Variants in NEK11 observed in about 807,000 individuals in gnomAD.
NEK11 encodes the protein NIMA related kinase 11.
NEK11 carries 72 observed loss-of-function variants against 80.7 expected under a neutral mutation model. The ratio of observed to expected loss-of-function variants is 0.89; its 90% CI spans 0.74 to 1.08. The LOEUF is 1.08. Ranked by LOEUF, NEK11 falls within the 50% of genes least tolerant of loss-of-function variation. The pLI is 0.00. For synonymous variants in NEK11, 251 were observed against 260.7 expected (o/e 0.96, Z 0.36); for missense variants, 764 against 763.6 (o/e 1.00, Z -0.01).
intron 5 of NEK11, among the ~76,000 whole-genome samples, chr3:131,121,445 A>G (rs900233693): frequency 1.2e-4 from 18 of 152,156 alleles, no homozygotes; most frequent in African/African-American, 4.3e-4. Flanking sequence ...GGGCCCAGTT[A>G]AGGAGGCAGT....
intron 17 of NEK11, among the ~76,000 whole-genome samples, chr3:131,297,254 T>C (rs1362188594): frequency 6.6e-5 from 10 of 152,154 alleles, no homozygotes; most frequent in Admixed American, 3.3e-4. Context: ...TCCACAATGG[T>C]TGAACTAGTT....
chr3:131,255,855 T>A (rs1409268708), intron 16 of NEK11, among the ~76,000 whole-genome samples: 1 of 152,178 alleles, frequency 6.6e-6, no homozygotes, highest in African/African-American at 2.4e-5. Context: ...TGCCAACTGA[T>A]TAGACCATGT....
In NEK11 at chr3:131,183,671, T is replaced by C. The variant is rs1364710831; in HGVS notation, c.1399+12784T>C. Among the ~76,000 whole-genome samples the C allele has an allele frequency of 2.6e-5, 4 of 152,230 alleles. 1 individual carries two copies. The highest frequency in any genetic ancestry group is 3.2e-3 in the Middle Eastern group (1 of 316). On this transcript the variant is annotated intron_variant, in intron 14 of 17. Coordinates refer to ENST00000383366, the MANE Select transcript of NEK11 (RefSeq NM_024800.5). Reference sequence around the variant, plus strand: ...TGGTGTATATGTATCACATTTTCTTTATCCAGTCTATCACTGATGGACATT... The same window carrying C: ...TGGTGTATATGTATCACATTTTCTTCATCCAGTCTATCACTGATGGACATT...
At chr3:131,245,836 G>GT (rs754926507) in intron 16 of NEK11, among the ~76,000 whole-genome samples, 29 of 151,702 alleles carry the variant, frequency 1.9e-4, no homozygotes, top group Middle Eastern at 3.4e-3. Context: ...TTGTTTGTTT[G>GT]TTTTTGGTGA....
At chr3:131,247,446 T>C (rs982744483) in intron 16 of NEK11, among the ~76,000 whole-genome samples, 1 of 152,196 alleles carries the variant, frequency 6.6e-6, no homozygotes, top group Non-Finnish European at 1.5e-5. Flanking sequence ...TGGCTTTATT[T>C]CTGGATTCTC....
intron 5 of NEK11, among the ~76,000 whole-genome samples, chr3:131,113,953 A>G (rs895877385): frequency 8.7e-5 from 13 of 148,742 alleles, no homozygotes; most frequent in Middle Eastern, 3.6e-3. Flanking sequence ...AAATATAACT[A>G]TTGTTTTCTA....
At chr3:131,163,643 G>A (rs963699977) in intron 11 of NEK11, among the ~76,000 whole-genome samples, 2 of 152,158 alleles carry the variant, frequency 1.3e-5, no homozygotes, top group African/African-American at 4.8e-5. Flanking sequence ...GGAGAAATAA[G>A]TTCTGGAGAT....
chr3:131,165,579 G>A (rs1054750443), intron 12 of NEK11, 60 bp downstream of exon 12: 33 of 1,007,542 alleles, frequency 3.3e-5, no homozygotes, highest in Non-Finnish European at 4.6e-5. Context: ...GATTCATGGC[G>A]ATGATTGGGT....
chr3:131,266,345 C>T (rs150693307), intron 16 of NEK11, among the ~76,000 whole-genome samples: 2,787 of 152,204 alleles, frequency 0.018, 41 homozygotes, highest in East Asian at 0.084. Context: ...GTGGGCATTT[C>T]ATGCTATAAA....
At chr3:131,319,852 A>AT (rs575967883) in intron 17 of NEK11, among the ~76,000 whole-genome samples, 12 of 151,548 alleles carry the variant, frequency 7.9e-5, no homozygotes, top group Admixed American at 2.0e-4. Flanking sequence ...CTCTGAAAAC[A>AT]TTTTTTTTTA....
chr3:131,084,019 CCT>C (rs150867798), intron 4 of NEK11, among the ~76,000 whole-genome samples: 2 of 152,186 alleles, frequency 1.3e-5, no homozygotes, highest in African/African-American at 4.8e-5. Flanking sequence ...CAAATCTTAC[CCT>C]GACTCCCAGG....
intron 14 of NEK11, among the ~76,000 whole-genome samples, chr3:131,186,925 C>G (rs2093623607): frequency 6.6e-6 from 1 of 152,164 alleles, no homozygotes; most frequent in African/African-American, 2.4e-5. Context: ...ACCTCAAAGG[C>G]TGTATGTATA....
chr3:131,170,966 G>T (rs200808503), intron 14 of NEK11, 79 bp downstream of exon 14: 2 of 968,208 alleles, frequency 2.1e-6, no homozygotes, highest in Non-Finnish European at 3.4e-6. Flanking sequence ...CAGTGGGTCT[G>T]TCTGGCCTCT....
intron 16 of NEK11, among the ~76,000 whole-genome samples, chr3:131,261,853 C>T (rs1317364072): frequency 6.6e-6 from 1 of 151,988 alleles, no homozygotes; most frequent in East Asian, 1.9e-4. Flanking sequence ...TAACTCCCAC[C>T]TATTGAGCAT....
chr3:131,200,818 C>G (rs1012384805), intron 14 of NEK11, among the ~76,000 whole-genome samples: 1 of 152,184 alleles, frequency 6.6e-6, no homozygotes, highest in African/African-American at 2.4e-5. Flanking sequence ...CCGATTAAAG[C>G]CTTCTTCCTT....
rs201064350 is a variant in NEK11 at position 131,243,485 on chromosome 3, G to A, written c.1610G>A (p.Cys537Tyr). The change falls in exon 16 of 18, where the codon TGC (cysteine) becomes TAC (tyrosine). Residue 537 changes from cysteine to tyrosine, a missense_variant. Physicochemically the swap from Cys to Tyr is radical, Grantham distance 194. Transcript: ENST00000383366. ...LARCLENVLG[C>Y]TSLDTKTITT... Reference sequence around the variant, plus strand: ...AGGTGTTTGGAAAATGTCCTGGGTTGCACTTCTCTAGGTGAGTAAGTTCCT... The same window carrying A: ...AGGTGTTTGGAAAATGTCCTGGGTTACACTTCTCTAGGTGAGTAAGTTCCT... The A allele has an allele frequency of 1.7e-5, 28 of 1,612,536 alleles. No homozygotes were observed. Among genetic ancestry groups the A allele is most frequent in the African/African-American group, 2.7e-5 (2 of 74,932 alleles).
chr3:131,299,632 G>T (rs950118868), intron 17 of NEK11, among the ~76,000 whole-genome samples: 1 of 152,082 alleles, frequency 6.6e-6, no homozygotes, highest in African/African-American at 2.4e-5. Flanking sequence ...ACAGCATTTG[G>T]TTTTCTATTC....
At chr3:131,185,526 C>CT (rs1276477443) in intron 14 of NEK11, among the ~76,000 whole-genome samples, 7 of 152,160 alleles carry the variant, frequency 4.6e-5, no homozygotes, top group Non-Finnish European at 1.0e-4. Context: ...CTATTCCCTA[C>CT]TGTCCCCCAC....
chr3:131,102,359 G>A (rs2149276295), intron 4 of NEK11, among the ~76,000 whole-genome samples: 1 of 152,310 alleles, frequency 6.6e-6, no homozygotes, highest in Non-Finnish European at 1.5e-5. Flanking sequence ...GACCACTCGT[G>A]AGGCTGGTCT....
Sources: gnomAD v4.1 joint callset for allele counts (sites outside exome capture counted in the v4.1 genomes callset) on GRCh38, gnomAD v4.1.1 for gene constraint, MANE v1.5 for transcripts, NCBI Gene and HGNC (gene_info 2026-07-23, HGNC 2026-07-21) for gene names.